The following PCDH15 variants were observed in gnomAD, a reference collection of about 807,000 sequenced individuals.
PCDH15 encodes protocadherin-15.
A neutral mutation model predicts 178.5 loss-of-function variants in PCDH15; 129 were observed. That is an observed-to-expected ratio of 0.72 (90% CI 0.63 to 0.84). The LOEUF (loss-of-function observed/expected upper bound fraction) is 0.84. PCDH15 is among the 40% of genes least tolerant of loss of function. PCDH15 has a pLI of 0.00. For synonymous variants in PCDH15, 800 were observed against 732.0 expected, an observed-to-expected ratio of 1.09 and a Z score of -1.50; for missense variants, 2,230 against 2,099.9, an observed-to-expected ratio of 1.06 and a Z score of -1.21.
intron 2 of PCDH15, among the ~76,000 whole-genome samples, chr10:55,023,255 G>C (rs1266855997): frequency 6.6e-6 from 1 of 152,100 alleles, no homozygotes; most frequent in Non-Finnish European, 1.5e-5. Context: ...TGCTTACAGT[G>C]ACAGTTGATT....
intron 2 of PCDH15, among the ~76,000 whole-genome samples, chr10:55,406,795 G>A (rs1449980914): frequency 6.6e-6 from 1 of 152,166 alleles, no homozygotes; most frequent in Admixed American, 6.6e-5. Context: ...AGAGTGAGGT[G>A]TGTTCAATAA....
chr10:53,887,622 C>A (rs1422988711), intron 26 of PCDH15, among the ~76,000 whole-genome samples: 1 of 152,208 alleles, frequency 6.6e-6, no homozygotes, highest in Non-Finnish European at 1.5e-5. Context: ...GGCACGGTGG[C>A]TCACGCCTGT....
intron 7 of PCDH15, among the ~76,000 whole-genome samples, chr10:54,324,814 CTGG>C (rs1317083563): frequency 6.6e-6 from 1 of 151,686 alleles, no homozygotes; most frequent in African/African-American, 2.4e-5. Context: ...TTTTTTCTTT[CTGG>C]TAATTAAGAA....
chr10:55,081,344 G>T (rs1842037461), intron 2 of PCDH15, among the ~76,000 whole-genome samples: 1 of 152,030 alleles, frequency 6.6e-6, no homozygotes, highest in African/African-American at 2.4e-5. Context: ...ATCTCCTCTT[G>T]TCTCTTCTTA....
At chr10:53,865,755 T>C (rs1251068676) in intron 27 of PCDH15, among the ~76,000 whole-genome samples, 15 of 152,116 alleles carry the variant, frequency 9.9e-5, no homozygotes, top group African/African-American at 3.4e-4. Context: ...AAATAAAGCA[T>C]TGATGTCTGC....
intron 19 of PCDH15, among the ~76,000 whole-genome samples, chr10:54,020,686 T>C (rs2092893915): frequency 6.6e-6 from 1 of 151,850 alleles, no homozygotes; most frequent in Non-Finnish European, 1.5e-5. Flanking sequence ...GGGATCTTTC[T>C]ATAAGATTTT....
chr10:54,254,063 T>C (rs1442849096), intron 8 of PCDH15, among the ~76,000 whole-genome samples: 1 of 152,124 alleles, frequency 6.6e-6, no homozygotes. Context: ...AAACCATTTT[T>C]AGGCATTGAA....
At chr10:54,434,962 A>C (rs912144579) in intron 3 of PCDH15, among the ~76,000 whole-genome samples, 2 of 152,174 alleles carry the variant, frequency 1.3e-5, no homozygotes, top group African/African-American at 4.8e-5. Context: ...TGAAAAACTG[A>C]AAATCTCTTC....
intron 15 of PCDH15, among the ~76,000 whole-genome samples, chr10:54,113,748 A>G (rs1399183454): frequency 6.6e-6 from 1 of 152,148 alleles, no homozygotes; most frequent in Non-Finnish European, 1.5e-5. Flanking sequence ...AGTCTAAAAC[A>G]TATCTTCTTA....
At chr10:54,090,374 G>T (rs1355330718) in intron 15 of PCDH15, among the ~76,000 whole-genome samples, 1 of 152,152 alleles carries the variant, frequency 6.6e-6, no homozygotes, top group African/African-American at 2.4e-5. Flanking sequence ...TGGGCACAGT[G>T]GCTCAAGCCT....
intron 1 of PCDH15, among the ~76,000 whole-genome samples, chr10:54,710,141 C>A (rs1305983676): frequency 6.6e-6 from 1 of 151,926 alleles, no homozygotes; most frequent in Non-Finnish European, 1.5e-5. Flanking sequence ...TCCTACCAAG[C>A]AAACGTTTGA....
At chr10:54,103,645 G>A (rs1300468763) in intron 15 of PCDH15, among the ~76,000 whole-genome samples, 1 of 152,164 alleles carries the variant, frequency 6.6e-6, no homozygotes, top group Admixed American at 6.5e-5. Context: ...TAAGCCTTTA[G>A]ATCCCTTTCT....
chr10:54,369,992 G>T (rs1947405822), intron 4 of PCDH15, among the ~76,000 whole-genome samples: 2 of 151,836 alleles, frequency 1.3e-5, no homozygotes, highest in Non-Finnish European at 2.9e-5. Flanking sequence ...AATTTAAAAT[G>T]AACTACTCCA....
chr10:54,915,235 G>T (rs1954880994), intron 2 of PCDH15, among the ~76,000 whole-genome samples: 4 of 152,162 alleles, frequency 2.6e-5, no homozygotes, highest in African/African-American at 2.4e-5. Context: ...TGATATGTGT[G>T]CCACATGCTA....
intron 1 of PCDH15, among the ~76,000 whole-genome samples, chr10:55,251,351 G>A (rs563697807): frequency 2.6e-5 from 4 of 151,924 alleles, no homozygotes; most frequent in Non-Finnish European, 5.9e-5. Context: ...TGAAGCAATC[G>A]TACTCCACCC....
At chr10:55,427,716 G>T (rs1838790782) in intron 2 of PCDH15, among the ~76,000 whole-genome samples, 1 of 152,098 alleles carries the variant, frequency 6.6e-6, no homozygotes, top group East Asian at 1.9e-4. Flanking sequence ...TAATACTTTA[G>T]ATTTATACCT....
chr10:53,867,571 T>C (rs17706048), intron 26 of PCDH15, among the ~76,000 whole-genome samples: 3,367 of 152,192 alleles, frequency 0.022, 101 homozygotes, highest in Admixed American at 0.078. Context: ...ACAGAGTCAA[T>C]GAATCAAGAC....
At chr10:54,327,391 A>C (rs1564974628) in intron 7 of PCDH15, among the ~76,000 whole-genome samples, 1 of 150,682 alleles carries the variant, frequency 6.6e-6, no homozygotes, top group Non-Finnish European at 1.5e-5. Flanking sequence ...TGACATTAAA[A>C]TATATACACA....
In PCDH15 at chr10:53,857,175, T is replaced by C. The variant is rs778684153; in HGVS notation, c.3806A>G (p.Glu1269Gly). 8 of 1,578,782 alleles carry C rather than the reference T, an allele frequency of 5.1e-6. No individual in the cohort carries two copies. The highest frequency in any genetic ancestry group is 7.0e-6 in the Non-Finnish European group (8 of 1,148,846). Residue 1269 changes from glutamate (E) to glycine (G), a missense_variant and splice_region_variant, in exon 28 of 38, where the codon GAG (glutamate) becomes GGG (glycine). By Grantham distance (98) the Glu-to-Gly change is moderately conservative. Transcript: ENST00000644397. ...TATATAAGGAGACAAAATCAATTAC[T>C]CTGTAAGATCTTCTATCTTTTTTTC... ...LVEKKIEDLT[E>G]ILDRYVQEQI...
Sources: allele counts gnomAD v4.1 joint callset (sites outside exome capture counted in the v4.1 genomes callset), GRCh38; gene constraint gnomAD v4.1.1; transcripts MANE v1.5; gene names NCBI Gene and HGNC (gene_info 2026-07-23, HGNC 2026-07-21).